Variants in RERG observed in about 807,000 individuals in gnomAD.
RERG encodes ras-related and estrogen-regulated growth inhibitor.
In RERG, 25 loss-of-function variants were observed where a neutral mutation model predicts 23.2. That is an observed-to-expected ratio of 1.08 (90% CI 0.79 to 1.50). The LOEUF (loss-of-function observed/expected upper bound fraction) is 1.50. Among genes scored for constraint, RERG ranks in the 40% most tolerant of loss-of-function variants. RERG has a pLI of 0.00. For missense variants in RERG, 253 were observed against 250.1 expected (o/e 1.01, Z -0.08); for synonymous variants, 81 against 89.1 (o/e 0.91, Z 0.51).
At chr12:15,201,917 T>A (rs994509545) in intron 2 of RERG, among the ~76,000 whole-genome samples, 4 of 151,644 alleles carry the variant, frequency 2.6e-5, no homozygotes, top group Non-Finnish European at 5.9e-5. Context: ...TCTGTCTTAT[T>A]CCAAACACAT....
chr12:15,190,057 A>C (rs558253484), intron 2 of RERG, among the ~76,000 whole-genome samples: 3 of 152,208 alleles, frequency 2.0e-5, no homozygotes, highest in Non-Finnish European at 4.4e-5. Flanking sequence ...CCAGTTTAAA[A>C]ATAAGATTAC....
Position 15,109,404 on chromosome 12 carries a change from T to G in RERG, c.306A>C (p.Leu102=), listed in dbSNP as rs201960138. 64 of 1,613,984 alleles carry G rather than the reference T, an allele frequency of 4.0e-5. No individual in the cohort carries two copies. The highest frequency in any genetic ancestry group is 5.0e-5 in the Non-Finnish European group (59 of 1,180,020). ...CATTCTTGGGCTTTTTGATCTCATC[T>G]AGGATGTTCTTAAGTGGCAGCACTT... ...FEEVLPLKNI[L]DEIKKPKNVT... The change falls in exon 5 of 5, where the codon CTA becomes CTC. Residue 102 remains leucine, a synonymous_variant. Coordinates refer to ENST00000256953, the MANE Select transcript of RERG (RefSeq NM_032918.3).
At chr12:15,202,474 A>G (rs1444838700) in intron 2 of RERG, among the ~76,000 whole-genome samples, 2 of 151,782 alleles carry the variant, frequency 1.3e-5, no homozygotes, top group African/African-American at 2.4e-5. Context: ...CATGCTTGCC[A>G]ATCACCATTC....
chr12:15,193,888 T>C (rs1437317857), intron 2 of RERG, among the ~76,000 whole-genome samples: 1 of 152,142 alleles, frequency 6.6e-6, no homozygotes, highest in Non-Finnish European at 1.5e-5. Flanking sequence ...GTTTCAGTGG[T>C]AGGTAAACGA....
intron 1 of RERG, among the ~76,000 whole-genome samples, chr12:15,218,727 C>A (rs533973217): frequency 6.6e-6 from 1 of 151,864 alleles, no homozygotes; most frequent in African/African-American, 2.4e-5. Flanking sequence ...CTAGTAGGAC[C>A]CTTTGCTCCA....
At chr12:15,151,591 G>C (rs1164219914) in intron 2 of RERG, among the ~76,000 whole-genome samples, 1 of 152,122 alleles carries the variant, frequency 6.6e-6, no homozygotes, top group African/African-American at 2.4e-5. Context: ...GAGATGGGGG[G>C]AAAAATGCTA....
At chr12:15,132,911 A>C (rs1864074335) in intron 2 of RERG, among the ~76,000 whole-genome samples, 1 of 151,804 alleles carries the variant, frequency 6.6e-6, no homozygotes, top group Admixed American at 6.6e-5. Context: ...TTTTACAGCA[A>C]TTTTAAGTTC....
At chr12:15,121,773 C>G (rs1262251129) in intron 2 of RERG, among the ~76,000 whole-genome samples, 1 of 152,102 alleles carries the variant, frequency 6.6e-6, no homozygotes. Flanking sequence ...AACTGAGGCA[C>G]TGTGGGGTTA....
intron 2 of RERG, among the ~76,000 whole-genome samples, chr12:15,176,879 G>T (rs879509500): frequency 6.6e-6 from 1 of 152,082 alleles, no homozygotes; most frequent in Admixed American, 6.6e-5. Flanking sequence ...TTTGGTAAAA[G>T]AGCTCATTCT....
intron 2 of RERG, among the ~76,000 whole-genome samples, chr12:15,189,382 C>T (rs527744292): frequency 6.6e-6 from 1 of 152,096 alleles, no homozygotes; most frequent in Non-Finnish European, 1.5e-5. Flanking sequence ...TTGCTGTTTC[C>T]TTTTCCTAAA....
chr12:15,217,395 A>C (rs200296468), intron 2 of RERG, 34 bp downstream of exon 2: 63 of 1,455,018 alleles, frequency 4.3e-5, no homozygotes, highest in Admixed American at 6.7e-5. Flanking sequence ...TCACCCACAC[A>C]CACACACTAT....
chr12:15,186,742 A>C (rs1864998358), intron 2 of RERG, among the ~76,000 whole-genome samples: 1 of 152,224 alleles, frequency 6.6e-6, no homozygotes, highest in Non-Finnish European at 1.5e-5. Context: ...AAGCTGCCAA[A>C]GTACAGGACC....
chr12:15,170,093 T>A (rs747445014), intron 2 of RERG, among the ~76,000 whole-genome samples: 3 of 152,228 alleles, frequency 2.0e-5, no homozygotes, highest in Non-Finnish European at 4.4e-5. Flanking sequence ...AATACAGATA[T>A]AGAAATGGCA....
chr12:15,194,391 C>T (rs750204715), intron 2 of RERG, among the ~76,000 whole-genome samples: 23 of 151,978 alleles, frequency 1.5e-4, no homozygotes, highest in South Asian at 4.1e-4. Flanking sequence ...TGCTACTCCT[C>T]GGTTCTCAAA....
chr12:15,191,259 T>C (rs1283354902), intron 2 of RERG, among the ~76,000 whole-genome samples: 1 of 152,190 alleles, frequency 6.6e-6, no homozygotes, highest in Non-Finnish European at 1.5e-5. Context: ...GATTTACTAA[T>C]TCTAGATGTA....
chr12:15,168,839 G>A (rs922394281), intron 2 of RERG, among the ~76,000 whole-genome samples: 1 of 152,066 alleles, frequency 6.6e-6, no homozygotes, highest in African/African-American at 2.4e-5. Context: ...CTCTCAATTC[G>A]CAGATGAGGA....
At chr12:15,184,324 G>C (rs903934477) in intron 2 of RERG, among the ~76,000 whole-genome samples, 3 of 152,072 alleles carry the variant, frequency 2.0e-5, no homozygotes, top group African/African-American at 4.8e-5. Context: ...TTAAACAAGA[G>C]GGAAAAATAT....
At chr12:15,123,778 C>T (rs1863885130) in intron 2 of RERG, among the ~76,000 whole-genome samples, 1 of 151,896 alleles carries the variant, frequency 6.6e-6, no homozygotes, top group Non-Finnish European at 1.5e-5. Context: ...CAAAGTTTGT[C>T]TTTTGAAGTA....
intron 2 of RERG, among the ~76,000 whole-genome samples, chr12:15,147,914 A>C (rs536549201): frequency 3.3e-5 from 5 of 152,234 alleles, no homozygotes; most frequent in South Asian, 2.1e-4. Context: ...CATATATCAG[A>C]TTCTCCCAGA....
Sources: gnomAD v4.1 joint callset for allele counts (sites outside exome capture counted in the v4.1 genomes callset) on GRCh38, gnomAD v4.1.1 for gene constraint, MANE v1.5 for transcripts, NCBI Gene and HGNC (gene_info 2026-07-23, HGNC 2026-07-21) for gene names.